The following SLMAP variants were observed in gnomAD, a reference collection of about 807,000 sequenced individuals.
The protein encoded by SLMAP is sarcolemma associated protein.
SLMAP carries 44 observed loss-of-function variants against 128.8 expected under a neutral mutation model. The ratio of observed to expected loss-of-function variants is 0.34; its 90% CI spans 0.27 to 0.44. The LOEUF is 0.44. Among genes scored for constraint, SLMAP ranks in the 20% least tolerant of loss-of-function variants. The pLI is 1.00. For missense variants in SLMAP, 787 were observed against 985.3 expected, an observed-to-expected ratio of 0.80 and a Z score of 2.69; for synonymous variants, 327 against 348.8, an observed-to-expected ratio of 0.94 and a Z score of 0.70.
chr3:57,787,301 T>A (rs1003904222), intron 2 of SLMAP, among the ~76,000 whole-genome samples: 17 of 152,346 alleles, frequency 1.1e-4, no homozygotes, highest in Admixed American at 2.0e-4. Context: ...AAGTTTTTTT[T>A]CTTTTCACAT....
intron 14 of SLMAP, among the ~76,000 whole-genome samples, chr3:57,878,940 G>T (rs2095664163): frequency 6.6e-6 from 1 of 152,128 alleles, no homozygotes; most frequent in African/African-American, 2.4e-5. Flanking sequence ...CAGATCCCTA[G>T]GAAACTGACA....
chr3:57,877,244 C>A (rs1172455666), intron 14 of SLMAP, among the ~76,000 whole-genome samples: 1 of 152,056 alleles, frequency 6.6e-6, no homozygotes, highest in Non-Finnish European at 1.5e-5. Context: ...TTTTCTCATT[C>A]CCTCCTTTCT....
chr3:57,917,134 A>G, intron 22 of SLMAP, 57 bp downstream of exon 22: 1 of 1,609,080 alleles, frequency 6.2e-7, no homozygotes, highest in Non-Finnish European at 8.5e-7. Context: ...CCAAAAGCAA[A>G]TCGGATATCC....
intron 6 of SLMAP, among the ~76,000 whole-genome samples, chr3:57,850,641 G>A (rs995058047): frequency 6.6e-5 from 10 of 151,924 alleles, no homozygotes; most frequent in Non-Finnish European, 1.2e-4. Context: ...ATTTTATTCT[G>A]TTTTATTTTT....
chr3:57,839,127 A>C (rs187689078), intron 3 of SLMAP, among the ~76,000 whole-genome samples: 2 of 151,422 alleles, frequency 1.3e-5, no homozygotes, highest in Non-Finnish European at 2.9e-5. Context: ...TAATTTTAAA[A>C]TTTTTTGTAG....
At chr3:57,916,529 A>G (rs1334590562) in intron 21 of SLMAP, among the ~76,000 whole-genome samples, 1 of 152,106 alleles carries the variant, frequency 6.6e-6, no homozygotes, top group Non-Finnish European at 1.5e-5. Flanking sequence ...CCCCCATTCT[A>G]TTTGTCAAGT....
chr3:57,872,308 T>A (rs1336150929), intron 14 of SLMAP, among the ~76,000 whole-genome samples: 2 of 150,582 alleles, frequency 1.3e-5, no homozygotes, highest in East Asian at 4.0e-4. Flanking sequence ...TCTCAAAAAA[T>A]ATATATATTT....
At chr3:57,917,971 A>C (rs1385222498) in intron 22 of SLMAP, 2 of 152,236 alleles carry the variant, frequency 1.3e-5, no homozygotes, top group Non-Finnish European at 2.9e-5. Flanking sequence ...AGATCTGCTT[A>C]ATCAATGCAG....
intron 2 of SLMAP, among the ~76,000 whole-genome samples, chr3:57,758,667 G>A (rs1302477096): frequency 6.6e-6 from 1 of 152,116 alleles, no homozygotes; most frequent in Non-Finnish European, 1.5e-5. Context: ...CATTTTAAGC[G>A]TAACCAATTT....
At chr3:57,857,019 GAT>G (rs1164309222) in intron 6 of SLMAP, among the ~76,000 whole-genome samples, 1 of 152,084 alleles carries the variant, frequency 6.6e-6, no homozygotes, top group Non-Finnish European at 1.5e-5. Context: ...TGTATGCATA[GAT>G]ATATGTCTAC....
At chr3:57,802,635 CT>C (rs1249619725) in intron 2 of SLMAP, among the ~76,000 whole-genome samples, 3 of 152,092 alleles carry the variant, frequency 2.0e-5, no homozygotes, top group Non-Finnish European at 2.9e-5. Context: ...AATATGTAGT[CT>C]TTTTATCTGG....
chr3:57,799,677 G>A lies in SLMAP; in HGVS notation c.199-31706G>A, dbSNP rs540879750. On this transcript the variant is annotated intron_variant, in intron 2 of 24. Transcript: ENST00000671191. The stretch of plus-strand genomic sequence containing the variant: ...ATGTTTGCTTCTGTGGAGGAAAATG[G>A]GGAAGCTCTGGAACATCAGGATGAT... Among the ~76,000 whole-genome samples the A allele has an allele frequency of 1.1e-4, 16 of 152,186 alleles. No homozygotes were observed. In the East Asian group the frequency reaches 3.1e-3, roughly 29 times the overall value.
intron 2 of SLMAP, among the ~76,000 whole-genome samples, chr3:57,788,774 GTC>G (rs2084790308): frequency 6.6e-6 from 1 of 152,194 alleles, no homozygotes; most frequent in African/African-American, 2.4e-5. Context: ...GTAGGGGTCT[GTC>G]TCATCAATGG....
At chr3:57,843,985 TG>T (rs1232526193) in intron 4 of SLMAP, among the ~76,000 whole-genome samples, 1 of 151,624 alleles carries the variant, frequency 6.6e-6, no homozygotes, top group Non-Finnish European at 1.5e-5. Context: ...TTCACTATAT[TG>T]GCCGGGCTAC....
intron 3 of SLMAP, among the ~76,000 whole-genome samples, chr3:57,834,699 G>A (rs543799118): frequency 6.6e-6 from 1 of 151,880 alleles, no homozygotes; most frequent in African/African-American, 2.4e-5. Flanking sequence ...ACATAAAGAT[G>A]GAAAGCTTTC....
chr3:57,902,909 T>C (rs1260918487), intron 17 of SLMAP, among the ~76,000 whole-genome samples: 1 of 152,184 alleles, frequency 6.6e-6, no homozygotes, highest in Non-Finnish European at 1.5e-5. Flanking sequence ...CCCAATTTTA[T>C]ACGGTCACCC....
At chr3:57,893,801 T>G (rs1422270567) in intron 15 of SLMAP, among the ~76,000 whole-genome samples, 1 of 152,136 alleles carries the variant, frequency 6.6e-6, no homozygotes, top group Non-Finnish European at 1.5e-5. Flanking sequence ...CAGAAATGTC[T>G]GATTTTAGCA....
chr3:57,778,570 CTTTTTTTTTTT>C (rs1171049495), intron 2 of SLMAP, among the ~76,000 whole-genome samples: 1 of 115,126 alleles, frequency 8.7e-6, no homozygotes, highest in Admixed American at 9.3e-5. Flanking sequence ...TTCTTTCTTT[CTTTTTTTTTTT>C]TTTTTTTTGA....
chr3:57,769,453 A>G lies in SLMAP; in HGVS notation c.198+11604A>G, dbSNP rs974717125. Among the ~76,000 whole-genome samples the G allele has an allele frequency of 4.9e-4, 74 of 151,964 alleles. 1 individual carries two copies. The highest frequency in any genetic ancestry group is 1.5e-4 in the Non-Finnish European group (10 of 67,998). Reference sequence around the variant, plus strand: ...CGTGATCCGCCCGCCTTGGCCTCCCAAAGTGCTGGGATTACAGGCATGAGC... The same window carrying G: ...CGTGATCCGCCCGCCTTGGCCTCCCGAAGTGCTGGGATTACAGGCATGAGC... On this transcript the variant is annotated intron_variant, in intron 2 of 24. Transcript: ENST00000671191.
Sources: allele counts gnomAD v4.1 joint callset (sites outside exome capture counted in the v4.1 genomes callset), GRCh38; gene constraint gnomAD v4.1.1; transcripts MANE v1.5; gene names NCBI Gene and HGNC (gene_info 2026-07-23, HGNC 2026-07-21).